Variants in FNBP1L observed in about 807,000 individuals in gnomAD.
The protein encoded by FNBP1L is formin-binding protein 1-like.
A neutral mutation model predicts 91.2 loss-of-function variants in FNBP1L; 36 were observed. The observed-to-expected ratio is 0.39, with a 90% CI of 0.30 to 0.52. The LOEUF is 0.52. Among genes scored for constraint, FNBP1L ranks in the 20% least tolerant of loss-of-function variants. FNBP1L has a pLI of 0.66. For synonymous variants in FNBP1L, 242 were observed against 237.0 expected (o/e 1.02, Z -0.19); for missense variants, 571 against 732.1 (o/e 0.78, Z 2.54).
At chr1:93,448,389 GA>G (rs1668342775) in intron 1 of FNBP1L, 84 bp downstream of exon 1, 1 of 1,399,740 alleles carries the variant, frequency 7.1e-7, no homozygotes, top group Non-Finnish European at 9.4e-7. Flanking sequence ...CCTCGGCGGT[GA>G]AAGCGCGCTC....
intron 1 of FNBP1L, 142 bp from the exon 2 acceptor site, chr1:93,499,326 T>C: frequency 1.6e-6 from 1 of 631,194 alleles, no homozygotes; most frequent in Non-Finnish European, 2.8e-6. Flanking sequence ...TCTTAAAGGG[T>C]GAAGTGGGGG....
intron 1 of FNBP1L, among the ~76,000 whole-genome samples, chr1:93,481,795 T>A (rs182864802): frequency 2.0e-3 from 309 of 152,286 alleles, no homozygotes; most frequent in African/African-American, 6.8e-3. Context: ...AGAAATTTTT[T>A]AAAAATTGGG....
chr1:93,534,876 G>A lies in FNBP1L; in HGVS notation c.958G>A (p.Gly320Ser). 2 of 1,574,786 alleles carry A rather than the reference G, an allele frequency of 1.3e-6. No individual in the cohort carries two copies. The highest frequency in any genetic ancestry group is 8.6e-7 in the Non-Finnish European group (1 of 1,159,012). The change falls in exon 9 of 17, where the codon GGC becomes AGC. Residue 320 changes from glycine to serine, a missense_variant. By Grantham distance (56) the Gly-to-Ser change is moderately conservative. Coordinates refer to ENST00000271234, the MANE Select transcript of FNBP1L (RefSeq NM_001164473.3). The stretch of plus-strand genomic sequence containing the variant: ...CAAAACCACAGTAGGAAAGGCCAAG[G>A]GCAAATTGTGGCTCTTTGGAAAGAA... ...DAKTTVGKAK[G>S]KLWLFGKKPK... is the part of the protein sequence containing the mutation.
chr1:93,483,346 G>A (rs1669784047), intron 1 of FNBP1L, among the ~76,000 whole-genome samples: 2 of 152,174 alleles, frequency 1.3e-5, no homozygotes, highest in African/African-American at 2.4e-5. Context: ...ATGTTGATGT[G>A]CAGGAGAATT....
intron 1 of FNBP1L, among the ~76,000 whole-genome samples, chr1:93,459,978 T>TGTGTGTGTGTGTGTGTG (rs1557774003): frequency 1.4e-4 from 17 of 125,634 alleles, no homozygotes; most frequent in South Asian, 6.9e-4. Context: ...TGTGTGTGTG[T>TGTGTGTGTGTGTGTGTG]TTTTGGGATA....
intron 15 of FNBP1L, among the ~76,000 whole-genome samples, 182 bp from the exon 16 acceptor site, chr1:93,550,765 G>A (rs1672384521): frequency 6.6e-6 from 1 of 152,218 alleles, no homozygotes; most frequent in African/African-American, 2.4e-5. Context: ...GCTCAAATGA[G>A]AGAATGTATA....
chr1:93,479,430 G>A (rs780855357), intron 1 of FNBP1L, among the ~76,000 whole-genome samples: 9 of 152,178 alleles, frequency 5.9e-5, no homozygotes, highest in Admixed American at 4.6e-4. Context: ...AGAAAACAGC[G>A]TTCCAGAGCA....
chr1:93,478,526 G>T (rs957830010), intron 1 of FNBP1L, among the ~76,000 whole-genome samples: 1 of 152,210 alleles, frequency 6.6e-6, no homozygotes, highest in Non-Finnish European at 1.5e-5. Flanking sequence ...GAGGGGGGCA[G>T]TCCATGCAGA....
At chr1:93,496,331 T>C (rs1364397887) in intron 1 of FNBP1L, among the ~76,000 whole-genome samples, 2 of 149,178 alleles carry the variant, frequency 1.3e-5, no homozygotes, top group Non-Finnish European at 3.0e-5. Flanking sequence ...CACAGCTCAC[T>C]GTAACTTGAA....
intron 1 of FNBP1L, among the ~76,000 whole-genome samples, chr1:93,493,348 G>A (rs1427493855): frequency 1.3e-5 from 2 of 152,090 alleles, no homozygotes; most frequent in South Asian, 2.1e-4. Context: ...TTGGTGGAGG[G>A]GTGAAGATTT....
At chr1:93,456,230 ATTAG>A (rs931683736) in intron 1 of FNBP1L, among the ~76,000 whole-genome samples, 1 of 152,198 alleles carries the variant, frequency 6.6e-6, no homozygotes, top group African/African-American at 2.4e-5. Context: ...TTGAATCCAA[ATTAG>A]TTATTCATGT....
intron 14 of FNBP1L, among the ~76,000 whole-genome samples, chr1:93,548,434 T>G (rs945843495): frequency 3.3e-5 from 5 of 152,328 alleles, no homozygotes; most frequent in African/African-American, 1.2e-4. Context: ...ATTACCTGCT[T>G]TTTTGGATTT....
intron 1 of FNBP1L, among the ~76,000 whole-genome samples, chr1:93,475,217 C>G (rs927563390): frequency 3.9e-5 from 6 of 151,916 alleles, no homozygotes; most frequent in African/African-American, 1.4e-4. Context: ...ACTAAAGATT[C>G]AAGCTTTACA....
intron 1 of FNBP1L, among the ~76,000 whole-genome samples, chr1:93,498,308 T>G (rs1179813610): frequency 6.6e-6 from 1 of 152,220 alleles, no homozygotes; most frequent in African/African-American, 2.4e-5. Context: ...TTTCATTGAT[T>G]GTGTTTTAGT....
chr1:93,549,183 T>C (rs1239557467), intron 14 of FNBP1L, 95 bp from the exon 15 acceptor site: 2 of 933,338 alleles, frequency 2.1e-6, no homozygotes, highest in East Asian at 3.0e-5. Context: ...TAATATTTAA[T>C]TTTTGGAATT....
intron 1 of FNBP1L, among the ~76,000 whole-genome samples, chr1:93,481,220 GC>G (rs1669694015): frequency 6.6e-6 from 1 of 152,092 alleles, no homozygotes; most frequent in Admixed American, 6.5e-5. Flanking sequence ...AGTTAGATAG[GC>G]CCCAGAGGTC....
intron 1 of FNBP1L, among the ~76,000 whole-genome samples, chr1:93,448,652 C>T (rs1164838409): frequency 6.6e-6 from 1 of 152,154 alleles, no homozygotes; most frequent in Non-Finnish European, 1.5e-5. Flanking sequence ...GCTTCGCGCC[C>T]GGCGGCTCCT....
chr1:93,500,236 A>G (rs946574182), intron 2 of FNBP1L, among the ~76,000 whole-genome samples: 2 of 152,160 alleles, frequency 1.3e-5, no homozygotes, highest in Admixed American at 1.3e-4. Flanking sequence ...AAAAAATCCA[A>G]CCTAAACAGG....
chr1:93,551,494 G>A (rs1028296577), intron 16 of FNBP1L: 1 of 987,586 alleles, frequency 1.0e-6, no homozygotes, highest in Admixed American at 6.1e-5. Flanking sequence ...TAGTGAATTT[G>A]AATAGTGAAA....
Sources: allele counts gnomAD v4.1 joint callset (sites outside exome capture counted in the v4.1 genomes callset), GRCh38; gene constraint gnomAD v4.1.1; transcripts MANE v1.5; gene names NCBI Gene and HGNC (gene_info 2026-07-23, HGNC 2026-07-21).